The following CTNNA3 variants were observed in gnomAD, a reference collection of about 807,000 sequenced individuals.
The protein encoded by CTNNA3 is catenin alpha 3, also known as catenin alpha-3.
A neutral mutation model predicts 95.7 loss-of-function variants in CTNNA3; 76 were observed. That is an observed-to-expected ratio of 0.79 (90% CI 0.66 to 0.96). The LOEUF (loss-of-function observed/expected upper bound fraction) is 0.96, where lower values mean the gene tolerates loss of function less well. Ranked by LOEUF, CTNNA3 falls within the 40% of genes least tolerant of loss-of-function variation. The pLI is 0.00. For synonymous variants in CTNNA3, 431 were observed against 374.4 expected, an observed-to-expected ratio of 1.15 and a Z score of -1.74; for missense variants, 1,191 against 1,089.8, an observed-to-expected ratio of 1.09 and a Z score of -1.31.
At chr10:67,039,253 G>A (rs757980224) in intron 7 of CTNNA3, among the ~76,000 whole-genome samples, 1 of 152,072 alleles carries the variant, frequency 6.6e-6, no homozygotes, top group Admixed American at 6.5e-5. Context: ...CAGATGTATA[G>A]AACTGTAGCA....
chr10:67,117,249 G>A (rs1251070831), intron 7 of CTNNA3, among the ~76,000 whole-genome samples: 1 of 151,644 alleles, frequency 6.6e-6, no homozygotes, highest in Non-Finnish European at 1.5e-5. Context: ...AGTCCCTTCT[G>A]GCTCCAATAT....
intron 9 of CTNNA3, among the ~76,000 whole-genome samples, chr10:66,651,803 C>CCTT (rs574438926): frequency 3.3e-5 from 5 of 152,114 alleles, no homozygotes; most frequent in African/African-American, 9.6e-5. Context: ...CCGCATTGGC[C>CCTT]GGTTCCCACC....
At chr10:66,734,989 G>A (rs1168362685) in intron 9 of CTNNA3, among the ~76,000 whole-genome samples, 1 of 151,046 alleles carries the variant, frequency 6.6e-6, no homozygotes, top group African/African-American at 2.4e-5. Flanking sequence ...TAGATAAGAT[G>A]TTCAATATTG....
intron 1 of CTNNA3, among the ~76,000 whole-genome samples, chr10:67,705,638 G>C (rs1226967135): frequency 9.2e-6 from 1 of 108,810 alleles, no homozygotes; most frequent in Non-Finnish European, 1.8e-5. Context: ...TGGGGTGGGG[G>C]GAGGGGGGAG....
rs559621625 is a variant in CTNNA3, at chr10:67,149,429, C to CA, written c.1047+30887dup. 1.7e-4 allele frequency among the ~76,000 whole-genome samples: 26 copies of CA among 151,922 alleles called. No homozygotes were observed. In the East Asian group the frequency reaches 4.9e-3, roughly 28 times the overall value. On this transcript the variant is annotated intron_variant, in intron 7 of 17. Transcript: ENST00000433211. ...TGAAACCCCGTCTCTACTAAAAATA[C>CA]AAAAAATTAGCCCAGCGTGGTGACA...
chr10:67,005,682 C>CTTTTTTTTTTTTTTTTTTGTTTTTTT (rs1851929030), intron 7 of CTNNA3, among the ~76,000 whole-genome samples: 1 of 61,976 alleles, frequency 1.6e-5, no homozygotes, highest in Non-Finnish European at 2.9e-5. Flanking sequence ...TTTACTCCAT[C>CTTTTTTTTTTTTTTTTTTGTTTTTTT]TTTTTTTTTT....
intron 7 of CTNNA3, among the ~76,000 whole-genome samples, chr10:67,139,855 T>C (rs1860471632): frequency 6.6e-6 from 1 of 152,176 alleles, no homozygotes; most frequent in Non-Finnish European, 1.5e-5. Context: ...CAGAAAAAAA[T>C]GTAATGCTTA....
chr10:66,497,515 C>T (rs1468487692), intron 11 of CTNNA3, among the ~76,000 whole-genome samples: 3 of 151,880 alleles, frequency 2.0e-5, no homozygotes, highest in Non-Finnish European at 4.4e-5. Context: ...CTGTATAGGG[C>T]TAATTTTTCA....
chr10:66,336,572 C>A (rs1470852115), intron 12 of CTNNA3, among the ~76,000 whole-genome samples: 1 of 152,080 alleles, frequency 6.6e-6, no homozygotes, highest in Non-Finnish European at 1.5e-5. Flanking sequence ...TTCCCAGTGG[C>A]CCACAATAGT....
At chr10:66,614,868 C>T (rs1399575352) in intron 10 of CTNNA3, among the ~76,000 whole-genome samples, 1 of 151,926 alleles carries the variant, frequency 6.6e-6, no homozygotes, top group Non-Finnish European at 1.5e-5. Context: ...GAGGGTTTGC[C>T]TAATTGAATG....
At chr10:66,122,490 C>T (rs577599575) in intron 13 of CTNNA3, among the ~76,000 whole-genome samples, 1 of 152,022 alleles carries the variant, frequency 6.6e-6, no homozygotes, top group Non-Finnish European at 1.5e-5. Flanking sequence ...ATAGATGAAC[C>T]TCAGAGAAGA....
At position 67,124,817 on chromosome 10, in the gene CTNNA3, T is replaced by C. The variant is rs188700880; in HGVS notation, c.1047+55500A>G. ...ATGTCACAAAGTGACATGAACTAATTTGCCAACATGTTTTCACAGTATTGT... is the reference window on the plus strand; with the variant it reads ...ATGTCACAAAGTGACATGAACTAATCTGCCAACATGTTTTCACAGTATTGT... On this transcript the variant is annotated intron_variant, in intron 7 of 17. Coordinates refer to ENST00000433211, the MANE Select transcript of CTNNA3 (RefSeq NM_013266.4). 9.5e-4 allele frequency among the ~76,000 whole-genome samples: 144 copies of C among 152,332 alleles called. 1 individual carries two copies. Among genetic ancestry groups the C allele is most frequent in the Non-Finnish European group, 1.7e-3 (119 of 68,022 alleles).
intron 6 of CTNNA3, among the ~76,000 whole-genome samples, chr10:67,203,734 C>T (rs1863753028): frequency 6.6e-6 from 1 of 152,200 alleles, no homozygotes; most frequent in Non-Finnish European, 1.5e-5. Flanking sequence ...TAATCTTCCA[C>T]AATACCTGTT....
intron 5 of CTNNA3, among the ~76,000 whole-genome samples, chr10:67,275,019 T>G (rs34553646): frequency 6.6e-6 from 1 of 151,814 alleles, no homozygotes; most frequent in African/African-American, 2.4e-5. Flanking sequence ...AAATCTCAAT[T>G]TGAAGAATCA....
At chr10:66,771,553 G>C (rs1283155699) in intron 8 of CTNNA3, among the ~76,000 whole-genome samples, 4 of 152,154 alleles carry the variant, frequency 2.6e-5, no homozygotes, top group Non-Finnish European at 4.4e-5. Context: ...AAAGTGAATA[G>C]GCCATAATCC....
chr10:66,361,442 C>G (rs2092674455), intron 12 of CTNNA3, among the ~76,000 whole-genome samples: 1 of 143,790 alleles, frequency 7.0e-6, no homozygotes, highest in African/African-American at 2.6e-5. Flanking sequence ...CTTTTCTTTT[C>G]TTTCTCTCTT....
intron 13 of CTNNA3, among the ~76,000 whole-genome samples, chr10:66,236,327 T>C (rs1416697951): frequency 6.6e-6 from 1 of 152,172 alleles, no homozygotes; most frequent in Non-Finnish European, 1.5e-5. Flanking sequence ...TACAAACATA[T>C]AGCAAGCATA....
At position 66,127,051 on chromosome 10, in the gene CTNNA3, G is replaced by A. The variant is rs528090588; in HGVS notation, c.1885-23802C>T. Among the ~76,000 whole-genome samples, 15 of 151,978 alleles carry A rather than the reference G, an allele frequency of 9.9e-5. No individual in the cohort carries two copies. The East Asian group carries it at 2.0e-3, about 20-fold the overall frequency. ...TGGGAGGCCGAGGTGGATGGATCAC[G>A]AGGTCAGGAGATAGAGACCATCCTG... On this transcript the variant is annotated intron_variant, in intron 13 of 17. Transcript: ENST00000433211.
intron 7 of CTNNA3, among the ~76,000 whole-genome samples, chr10:66,882,196 C>T (rs749082904): frequency 3.3e-5 from 5 of 151,944 alleles, no homozygotes; most frequent in Non-Finnish European, 7.4e-5. Flanking sequence ...TGGGGGATAA[C>T]GAAAGGGTGG....
Sources: allele counts gnomAD v4.1 joint callset (sites outside exome capture counted in the v4.1 genomes callset), GRCh38; gene constraint gnomAD v4.1.1; transcripts MANE v1.5; gene names NCBI Gene and HGNC (gene_info 2026-07-23, HGNC 2026-07-21).